MROH1: variants seen among roughly 807,000 people sequenced by gnomAD.
MROH1 encodes maestro heat-like repeat-containing protein family member 1.
A neutral mutation model predicts 116.5 loss-of-function variants in MROH1; 117 were observed. That is an observed-to-expected ratio of 1.00 (90% CI 0.86 to 1.17). The LOEUF (loss-of-function observed/expected upper bound fraction) is 1.17, where lower values mean the gene tolerates loss of function less well. MROH1 is among the 50% of genes most tolerant of loss of function. The pLI is 0.00. For missense variants in MROH1, 1,873 were observed against 1,338.5 expected (o/e 1.40, Z -6.23); for synonymous variants, 921 against 583.9 (o/e 1.58, Z -8.32).
At chr8:144,231,734 G>C (rs1052778358) in intron 14 of MROH1, among the ~76,000 whole-genome samples, 1 of 152,268 alleles carries the variant, frequency 6.6e-6, no homozygotes, top group African/African-American at 2.4e-5. Context: ...GTGACACAGA[G>C]ACACACACCA....
At chr8:144,178,340 C>T (rs1367446832) in intron 4 of MROH1, among the ~76,000 whole-genome samples, 2 of 152,096 alleles carry the variant, frequency 1.3e-5, no homozygotes, top group African/African-American at 4.8e-5. Flanking sequence ...CCATATTGGC[C>T]AGGCTGGTCT....
chr8:144,225,966 G>C (rs1395248471), intron 14 of MROH1, among the ~76,000 whole-genome samples: 1 of 147,184 alleles, frequency 6.8e-6, no homozygotes, highest in Non-Finnish European at 1.5e-5. Flanking sequence ...CCAGGCTGGA[G>C]TGCAATGGCG....
intron 10 of MROH1, chr8:144,192,693 C>T (rs1411522269): frequency 1.7e-6 from 1 of 579,234 alleles, no homozygotes; most frequent in Non-Finnish European, 3.2e-6. Context: ...GAAAGGTCAG[C>T]GCAGCTGAAG....
chr8:144,191,695 C>T lies in MROH1; in HGVS notation c.715-20C>T, dbSNP rs759203685. On this transcript the variant is annotated intron_variant, in intron 8 of 43. Transcript: ENST00000326134. ...TGTTGACTGAGCAGCGTAAGCTTCC[C>T]GCCCACTGTCCCCTCTCAGCTCCGT... 2.4e-5 allele frequency: 39 copies of T among 1,610,784 alleles called. No homozygotes were observed. Among genetic ancestry groups the T allele is most frequent in the Admixed American group, 1.5e-4 (9 of 59,768 alleles).
At chr8:144,219,783 C>T (rs982607732) in intron 12 of MROH1, among the ~76,000 whole-genome samples, 7 of 152,178 alleles carry the variant, frequency 4.6e-5, no homozygotes, top group African/African-American at 1.7e-4. Context: ...TCGAAACCGA[C>T]AGTGAGAGAC....
chr8:144,195,195 T>TAAAAAAAAAAA lies in MROH1; in HGVS notation c.948+2808_948+2818dup, dbSNP rs561902621. On this transcript the variant is annotated intron_variant, in intron 10 of 43. Transcript: ENST00000326134. ...GGGTGACAGTGCGAGACTGTGTCTT[T>TAAAAAAAAAAA]AAAAAAAAAAAAAAAAAAAAAAAAG... 2.0e-3 allele frequency among the ~76,000 whole-genome samples: 23 copies of TAAAAAAAAAAA among 11,680 alleles called. 6 individuals carry two copies. The highest frequency in any genetic ancestry group is 2.5e-3 in the African/African-American group (8 of 3,144). 7.7% of individuals were successfully genotyped at this position (11,680 alleles called of 152,430 possible).
At position 144,158,888 on chromosome 8, in the gene MROH1, G is replaced by A. The variant is rs192690213; in HGVS notation, c.-176-2082G>A. ...CGAGTAGCTGGGACTACAGGCGCAC[G>A]CCACCACGCCCAGCTAGTTTTTGTA... On this transcript the variant is annotated intron_variant, in intron 1 of 43. Coordinates refer to ENST00000326134, the MANE Select transcript of MROH1 (RefSeq NM_032450.3). Among the ~76,000 whole-genome samples the A allele has an allele frequency of 4.4e-3, 670 of 152,228 alleles. 2 individuals are homozygous for A. Among genetic ancestry groups the A allele is most frequent in the African/African-American group, 0.015 (627 of 41,552 alleles).
chr8:144,205,569 A>G (rs1428522438), intron 12 of MROH1, among the ~76,000 whole-genome samples: 1 of 151,962 alleles, frequency 6.6e-6, no homozygotes, highest in South Asian at 2.1e-4. Flanking sequence ...GCTGTTTTAT[A>G]TCTTAAAACC....
intron 1 of MROH1, among the ~76,000 whole-genome samples, chr8:144,155,317 G>A (rs1157228261): frequency 6.6e-6 from 1 of 152,184 alleles, no homozygotes; most frequent in African/African-American, 2.4e-5. Flanking sequence ...TGTAGGGTCT[G>A]TAAGTGTGCA....
chr8:144,204,045 A>G (rs1832297299), intron 12 of MROH1, among the ~76,000 whole-genome samples: 1 of 152,218 alleles, frequency 6.6e-6, no homozygotes, highest in South Asian at 2.1e-4. Flanking sequence ...ATACTTCAAA[A>G]CATGCTTTTT....
At chr8:144,222,319 AG>A (rs1836940799) in intron 13 of MROH1, among the ~76,000 whole-genome samples, 2 of 151,996 alleles carry the variant, frequency 1.3e-5, no homozygotes. Context: ...TGGATGGAGG[AG>A]GGAAAGTAAG....
intron 22 of MROH1, among the ~76,000 whole-genome samples, chr8:144,241,736 G>T (rs970218436): frequency 7.2e-5 from 11 of 152,242 alleles, no homozygotes; most frequent in African/African-American, 2.7e-4. Context: ...TGTGGCCAGG[G>T]CCACGTCTCT....
chr8:144,226,340 A>G (rs1837817531), intron 14 of MROH1, among the ~76,000 whole-genome samples: 1 of 152,188 alleles, frequency 6.6e-6, no homozygotes, highest in Admixed American at 6.5e-5. Flanking sequence ...ATTGCCTTGC[A>G]TCTTCGTCGA....
At position 144,248,890 on chromosome 8, in the gene MROH1, G is replaced by A. The variant is rs1842363937; in HGVS notation, c.3134G>A (p.Arg1045His). 57 of 778,736 alleles carry A rather than the reference G, an allele frequency of 7.3e-5. No individual in the cohort carries two copies. Among genetic ancestry groups the A allele is most frequent in the Non-Finnish European group, 7.2e-6 (3 of 417,182 alleles). The allele number at this position is 778,736 out of a possible 1,614,324, so 48.2% of individuals were successfully genotyped here. A position where few individuals can be genotyped will look rare whatever the true frequency, so the allele number is the denominator to read the frequency against. The change falls in exon 32 of 44, where the codon CGC becomes CAC. Residue 1045 changes from arginine (R) to histidine (H), a missense_variant. Transcript: ENST00000326134. ...CHSVGQIIAK[R>H]LPPDQLISLL... ...CCTTCCTCCTAGATTATTGCCAAGC[G>A]CCTCCCCCCAGACCAGCTCATCAGC...
rs1288887179 is a variant in MROH1, at chr8:144,261,880, C to G, written c.*140C>G. ...GAACAGGCACTGCTGGGGACCAAAC[C>G]CAAGCCCTTCAGTGAGGGATGTGCC... On this transcript the variant is annotated 3_prime_UTR_variant, in exon 44 of 44. Coordinates refer to ENST00000326134, the MANE Select transcript of MROH1 (RefSeq NM_032450.3). The G allele has an allele frequency of 4.4e-6, 3 of 675,864 alleles. No individual in the cohort carries two copies. In the African/African-American group the frequency reaches 5.3e-5, roughly 12 times the overall value. The allele number at this position is 675,864 out of a possible 1,614,324, so 41.9% of individuals were successfully genotyped here. A position where few individuals can be genotyped will look rare whatever the true frequency, so the allele number is the denominator to read the frequency against.
intron 4 of MROH1, among the ~76,000 whole-genome samples, chr8:144,171,224 A>G (rs1474471709): frequency 2.0e-5 from 3 of 152,210 alleles, no homozygotes; most frequent in Non-Finnish European, 4.4e-5. Context: ...CCGACCTGCC[A>G]TGAATCAGGG....
At position 144,168,432 on chromosome 8, in the gene MROH1, C is replaced by T; in HGVS notation, c.160C>T (p.His54Tyr). The part of the protein sequence containing the change: ...LRACEEYLRQ[H>Y]DKLAHPYRAA... ...TGCCTGCGAGGAGTATCTGCGGCAG[C>T]ATGACAAGGTATGTGTGCTCCTTGG... Residue 54 changes from histidine to tyrosine, a missense_variant, in exon 4 of 44, where the codon CAT becomes TAT. Coordinates refer to ENST00000326134, the MANE Select transcript of MROH1 (RefSeq NM_032450.3). The T allele has an allele frequency of 1.9e-6, 3 of 1,606,804 alleles. No homozygotes were observed. In the Middle Eastern group the frequency reaches 5.0e-4, roughly 267 times the overall value.
chr8:144,185,579 A>G (rs1418769515), intron 7 of MROH1, among the ~76,000 whole-genome samples: 5 of 26,046 alleles, frequency 1.9e-4, no homozygotes, highest in Non-Finnish European at 2.5e-4. Context: ...GGGGCGGCGC[A>G]GGGGCCTTGA....
At chr8:144,200,606 C>T in intron 12 of MROH1, 65 bp downstream of exon 12, 2 of 1,106,358 alleles carry the variant, frequency 1.8e-6, no homozygotes, top group Non-Finnish European at 2.7e-6. Flanking sequence ...CAGGTCCTGG[C>T]AGATTGTGTC....
Sources: allele counts gnomAD v4.1 joint callset (sites outside exome capture counted in the v4.1 genomes callset), GRCh38; gene constraint gnomAD v4.1.1; transcripts MANE v1.5; gene names NCBI Gene and HGNC (gene_info 2026-07-23, HGNC 2026-07-21).